Variants in AHCYL2 observed in about 807,000 individuals in gnomAD.
AHCYL2 encodes adenosylhomocysteinase like 2.
A neutral mutation model predicts 81.4 loss-of-function variants in AHCYL2; 28 were observed. The observed-to-expected ratio is 0.34, with a 90% confidence interval of 0.25 to 0.47. The LOEUF (loss-of-function observed/expected upper bound fraction) is 0.47. AHCYL2 is among the 20% of genes least tolerant of loss of function. The pLI is 1.00. For missense variants in AHCYL2, 551 were observed against 785.1 expected, an observed-to-expected ratio of 0.70 and a Z score of 3.56; for synonymous variants, 272 against 290.2, an observed-to-expected ratio of 0.94 and a Z score of 0.64.
chr7:129,226,559 A>C (rs1794228240), intron 1 of AHCYL2, among the ~76,000 whole-genome samples: 1 of 152,196 alleles, frequency 6.6e-6, no homozygotes, highest in African/African-American at 2.4e-5. Context: ...GGAAGTGTGC[A>C]TTGGTTTTAC....
At chr7:129,306,114 A>G (rs557590152) in intron 1 of AHCYL2, among the ~76,000 whole-genome samples, 2 of 152,270 alleles carry the variant, frequency 1.3e-5, no homozygotes, top group African/African-American at 4.8e-5. Flanking sequence ...ACCTTCTTGT[A>G]CTTGAATACT....
At chr7:129,250,123 A>G (rs1288774414) in intron 1 of AHCYL2, among the ~76,000 whole-genome samples, 1 of 152,174 alleles carries the variant, frequency 6.6e-6, no homozygotes, top group Non-Finnish European at 1.5e-5. Flanking sequence ...CAACTTAGCA[A>G]GAATCCATCT....
chr7:129,290,033 C>T (rs1365399247), intron 1 of AHCYL2, among the ~76,000 whole-genome samples: 4 of 151,916 alleles, frequency 2.6e-5, no homozygotes, highest in South Asian at 2.1e-4. Context: ...CCTCCCGCCT[C>T]GGCCTCCCAA....
intron 4 of AHCYL2, among the ~76,000 whole-genome samples, chr7:129,391,835 T>C (rs1392948620): frequency 6.6e-6 from 1 of 152,216 alleles, no homozygotes; most frequent in African/African-American, 2.4e-5. Flanking sequence ...TTCTGGGTTA[T>C]GTGTTCTCTG....
chr7:129,281,099 A>G (rs755542648), intron 1 of AHCYL2, among the ~76,000 whole-genome samples: 4 of 151,924 alleles, frequency 2.6e-5, no homozygotes, highest in East Asian at 3.9e-4. Context: ...TCCTGACCTC[A>G]TGATCTGCCC....
intron 1 of AHCYL2, among the ~76,000 whole-genome samples, chr7:129,376,204 A>G (rs574414778): frequency 4.6e-5 from 7 of 152,312 alleles, no homozygotes; most frequent in African/African-American, 1.4e-4. Context: ...AGGTACCACA[A>G]TTGGGGTGGG....
intron 1 of AHCYL2, among the ~76,000 whole-genome samples, chr7:129,226,346 C>G (rs901589709): frequency 1.3e-5 from 2 of 152,304 alleles, no homozygotes; most frequent in African/African-American, 4.8e-5. Flanking sequence ...CTGTCTCTCT[C>G]AAAGCTTGTC....
chr7:129,271,232 G>C (rs1796000740), intron 1 of AHCYL2, among the ~76,000 whole-genome samples: 1 of 151,898 alleles, frequency 6.6e-6, no homozygotes, highest in African/African-American at 2.4e-5. Context: ...GTGGTGGCAG[G>C]CGCCTGTAGT....
chr7:129,316,584 A>G (rs1797830865), intron 1 of AHCYL2, among the ~76,000 whole-genome samples: 1 of 152,182 alleles, frequency 6.6e-6, no homozygotes, highest in African/African-American at 2.4e-5. Flanking sequence ...GTGAATAAAG[A>G]GTTTTTGTCC....
intron 1 of AHCYL2, among the ~76,000 whole-genome samples, chr7:129,271,879 C>T (rs1362680043): frequency 1.3e-5 from 2 of 152,310 alleles, no homozygotes; most frequent in Non-Finnish European, 1.5e-5. Context: ...ATTGTTGTAG[C>T]ATGTTTTCAA....
intron 1 of AHCYL2, among the ~76,000 whole-genome samples, chr7:129,332,940 A>G (rs1402320494): frequency 2.6e-5 from 4 of 152,224 alleles, no homozygotes; most frequent in Non-Finnish European, 5.9e-5. Context: ...TATTTAGAAT[A>G]TGATGACTAT....
intron 1 of AHCYL2, among the ~76,000 whole-genome samples, chr7:129,284,553 C>G (rs1035528790): frequency 1.3e-5 from 2 of 149,260 alleles, no homozygotes; most frequent in Non-Finnish European, 3.0e-5. Context: ...GAGCCAAGAT[C>G]GCACCACTGC....
intron 1 of AHCYL2, among the ~76,000 whole-genome samples, chr7:129,240,108 G>A (rs978358920): frequency 6.6e-6 from 1 of 151,930 alleles, no homozygotes; most frequent in Non-Finnish European, 1.5e-5. Context: ...CCAGCTACTC[G>A]GGAGGCTGAG....
chr7:129,412,152 A>G (rs1205559143), intron 11 of AHCYL2, among the ~76,000 whole-genome samples: 2 of 152,112 alleles, frequency 1.3e-5, no homozygotes, highest in African/African-American at 4.8e-5. Context: ...AGTTCAGACC[A>G]GCCTGGGCAA....
chr7:129,389,578 C>G (rs561749176), intron 3 of AHCYL2, 56 bp from the exon 4 acceptor site: 16 of 1,412,686 alleles, frequency 1.1e-5, no homozygotes, highest in African/African-American at 1.0e-4. Context: ...TCTGTTTGTT[C>G]TTTTATCTCT....
chr7:129,276,770 A>G (rs533231063), intron 1 of AHCYL2, among the ~76,000 whole-genome samples: 4 of 151,566 alleles, frequency 2.6e-5, no homozygotes, highest in African/African-American at 9.7e-5. Flanking sequence ...CCACAAAGAT[A>G]TAAAAGAATT....
chr7:129,329,215 T>C (rs770001388), intron 1 of AHCYL2, among the ~76,000 whole-genome samples: 1 of 152,248 alleles, frequency 6.6e-6, no homozygotes, highest in Non-Finnish European at 1.5e-5. Flanking sequence ...GGTCTCATTC[T>C]GTTGCTCGGG....
chr7:129,397,045 G>A (rs1016713378), intron 4 of AHCYL2, among the ~76,000 whole-genome samples, 177 bp from the exon 5 acceptor site: 1 of 152,146 alleles, frequency 6.6e-6, no homozygotes, highest in Non-Finnish European at 1.5e-5. Context: ...TCTTCCCATG[G>A]CTTCCCCCAA....
chr7:129,234,255 T>C (rs1249857474), intron 1 of AHCYL2, among the ~76,000 whole-genome samples: 1 of 151,916 alleles, frequency 6.6e-6, no homozygotes, highest in Non-Finnish European at 1.5e-5. Flanking sequence ...GGGTCTCTTT[T>C]TTCCCCCTAG....
Sources: gnomAD v4.1 joint callset for allele counts (sites outside exome capture counted in the v4.1 genomes callset) on GRCh38, gnomAD v4.1.1 for gene constraint, MANE v1.5 for transcripts, NCBI Gene and HGNC (gene_info 2026-07-23, HGNC 2026-07-21) for gene names.